The following NALF1 variants were observed in gnomAD, a reference collection of about 807,000 sequenced individuals.
NALF1 encodes the protein NALCN channel auxiliary factor 1, also known as family with sequence similarity 155 member A.
A neutral mutation model predicts 48.4 loss-of-function variants in NALF1; 3 were observed. That is an observed-to-expected ratio of 0.06 (90% CI 0.03 to 0.16). The LOEUF is 0.16. Ranked by LOEUF, NALF1 falls within the 10% of genes least tolerant of loss-of-function variation. NALF1 has a pLI of 1.00. For missense variants in NALF1, 526 were observed against 571.5 expected, an observed-to-expected ratio of 0.92 and a Z score of 0.81; for synonymous variants, 262 against 245.7, an observed-to-expected ratio of 1.07 and a Z score of -0.62.
intron 1 of NALF1, among the ~76,000 whole-genome samples, chr13:107,561,945 G>C (rs1225386342): frequency 6.6e-6 from 1 of 152,092 alleles, no homozygotes; most frequent in Non-Finnish European, 1.5e-5. Flanking sequence ...AACTTTCCTA[G>C]GTTTGTCATT....
At chr13:107,667,143 T>C (rs1196946085) in intron 1 of NALF1, among the ~76,000 whole-genome samples, 1 of 152,086 alleles carries the variant, frequency 6.6e-6, no homozygotes, top group African/African-American at 2.4e-5. Flanking sequence ...AATTGCTCAA[T>C]AAATGCACCC....
At chr13:107,731,958 T>C (rs1876322007) in intron 1 of NALF1, among the ~76,000 whole-genome samples, 1 of 152,202 alleles carries the variant, frequency 6.6e-6, no homozygotes, top group African/African-American at 2.4e-5. Context: ...TTTAGGACTG[T>C]AGGAATTTGT....
intron 1 of NALF1, among the ~76,000 whole-genome samples, chr13:107,279,040 CTTCT>C (rs1881335479): frequency 9.5e-6 from 1 of 105,178 alleles, no homozygotes; most frequent in Non-Finnish European, 2.0e-5. Flanking sequence ...CTTTTCTTTT[CTTCT>C]TTTTTTTTTT....
intron 1 of NALF1, among the ~76,000 whole-genome samples, chr13:107,499,412 A>G (rs1875442628): frequency 6.6e-6 from 1 of 152,116 alleles, no homozygotes; most frequent in South Asian, 2.1e-4. Context: ...TTGCACAATC[A>G]TAGCTCACTG....
At chr13:107,527,732 T>G (rs1256678096) in intron 1 of NALF1, among the ~76,000 whole-genome samples, 1 of 152,156 alleles carries the variant, frequency 6.6e-6, no homozygotes, top group African/African-American at 2.4e-5. Context: ...CAAGATCTGA[T>G]GATTACATAA....
At chr13:107,709,211 G>T (rs9783586) in intron 1 of NALF1, among the ~76,000 whole-genome samples, 13,882 of 152,172 alleles carry the variant, frequency 0.091, 1,447 homozygotes, top group East Asian at 0.4. Flanking sequence ...GTGTCACTTA[G>T]ATCTAGATTC....
intron 1 of NALF1, among the ~76,000 whole-genome samples, chr13:107,269,995 T>C (rs1484625865): frequency 2.7e-5 from 4 of 147,766 alleles, no homozygotes; most frequent in Non-Finnish European, 6.0e-5. Context: ...TGGTCTCGAT[T>C]TCCTGACCTC....
rs79417246 is a variant in NALF1, at chr13:107,173,155, G to A, written c.1088-2369C>T. 7.3e-3 allele frequency among the ~76,000 whole-genome samples: 1,104 copies of A among 152,098 alleles called. 5 individuals carry two copies. The highest frequency in any genetic ancestry group is 0.012 in the Non-Finnish European group (820 of 67,990). Reference sequence around the variant, plus strand: ...ATATCTTTCAGCTGCTTTGTATTTAGCTGCATTTCTGAGAATAACATGTTT... The same window carrying A: ...ATATCTTTCAGCTGCTTTGTATTTAACTGCATTTCTGAGAATAACATGTTT... On this transcript the variant is annotated intron_variant, in intron 2 of 2. Coordinates refer to ENST00000375915, the MANE Select transcript of NALF1 (RefSeq NM_001080396.3).
intron 1 of NALF1, among the ~76,000 whole-genome samples, chr13:107,547,060 T>C (rs2139125165): frequency 6.6e-6 from 1 of 152,340 alleles, no homozygotes; most frequent in Non-Finnish European, 1.5e-5. Context: ...TTAAATAACA[T>C]ATTTGTAAAC....
At chr13:107,480,676 G>A (rs1055720475) in intron 1 of NALF1, among the ~76,000 whole-genome samples, 4 of 152,100 alleles carry the variant, frequency 2.6e-5, no homozygotes, top group African/African-American at 9.7e-5. Context: ...GGATACATGC[G>A]GCCCACGGGC....
chr13:107,334,282 T>A (rs1298573485), intron 1 of NALF1, among the ~76,000 whole-genome samples: 1 of 152,192 alleles, frequency 6.6e-6, no homozygotes, highest in African/African-American at 2.4e-5. Context: ...TTATAAAAAA[T>A]GCTTTATTGG....
intron 2 of NALF1, among the ~76,000 whole-genome samples, chr13:107,194,668 G>T (rs1034433956): frequency 1.3e-5 from 2 of 152,110 alleles, no homozygotes; most frequent in African/African-American, 2.4e-5. Flanking sequence ...CTTAGGCAAA[G>T]AATTCATTAC....
At position 107,818,745 on chromosome 13, in the gene NALF1, G is replaced by A. The variant is rs867897587; in HGVS notation, c.915+46937C>T. 2.0e-3 allele frequency among the ~76,000 whole-genome samples: 289 copies of A among 144,118 alleles called. 2 individuals are homozygous for A. The highest frequency in any genetic ancestry group is 7.6e-3 in the African/African-American group (274 of 36,222). 94.5% of individuals were successfully genotyped at this position (144,118 alleles called of 152,430 possible). The stretch of plus-strand genomic sequence containing the variant: ...AAATTAGCCGGGCGTGGTAGCGGGC[G>A]CCTGTAGTCCCAGCTACTCGGGAGG... On this transcript the variant is annotated intron_variant, in intron 1 of 2. Transcript: ENST00000375915.
chr13:107,222,356 TA>T (rs1218205513), intron 1 of NALF1, among the ~76,000 whole-genome samples: 1 of 152,240 alleles, frequency 6.6e-6, no homozygotes, highest in East Asian at 1.9e-4. Context: ...TTTTAGTAGT[TA>T]TTCCACCCAT....
intron 1 of NALF1, among the ~76,000 whole-genome samples, chr13:107,826,032 G>C (rs77633034): frequency 0.054 from 8,236 of 152,266 alleles, 508 homozygotes; most frequent in East Asian, 0.31. Context: ...GCCCACCTCT[G>C]CCTCCCAAAG....
At chr13:107,331,804 G>A (rs962974281) in intron 1 of NALF1, among the ~76,000 whole-genome samples, 7 of 151,952 alleles carry the variant, frequency 4.6e-5, no homozygotes, top group East Asian at 1.9e-4. Flanking sequence ...AGAAGGGATC[G>A]GACATTTAGA....
chr13:107,258,143 C>T lies in NALF1; in HGVS notation c.916-47388G>A, dbSNP rs145109482. 6.3e-3 allele frequency among the ~76,000 whole-genome samples: 952 copies of T among 152,092 alleles called. 10 individuals carry two copies. The highest frequency in any genetic ancestry group is 0.021 in the African/African-American group (873 of 41,494). On this transcript the variant is annotated intron_variant, in intron 1 of 2. Transcript: ENST00000375915. ...CTCTCATTTGGTAATGGCAAAAGAC[C>T]GCAAAGCAAATTTTGTTCTGACCTT...
intron 1 of NALF1, among the ~76,000 whole-genome samples, chr13:107,824,509 T>C (rs779776494): frequency 2.7e-4 from 41 of 152,168 alleles, no homozygotes; most frequent in Non-Finnish European, 1.0e-4. Context: ...CCTGGGGAAA[T>C]GGTCCTCAGA....
intron 1 of NALF1, among the ~76,000 whole-genome samples, chr13:107,324,087 C>A (rs536979112): frequency 6.6e-6 from 1 of 152,206 alleles, no homozygotes; most frequent in Admixed American, 6.5e-5. Context: ...CCAGCCTAGG[C>A]AACAGACAAA....
Sources: allele counts gnomAD v4.1 joint callset (sites outside exome capture counted in the v4.1 genomes callset), GRCh38; gene constraint gnomAD v4.1.1; transcripts MANE v1.5; gene names NCBI Gene and HGNC (gene_info 2026-07-23, HGNC 2026-07-21).